CASP9: variants seen among roughly 807,000 people sequenced by gnomAD.
The protein encoded by CASP9 is caspase 9, also known as caspase-9.
CASP9 carries 29 observed loss-of-function variants against 43.5 expected under a neutral mutation model. The ratio of observed to expected loss-of-function variants is 0.67; its 90% CI spans 0.50 to 0.91. The LOEUF (loss-of-function observed/expected upper bound fraction) is 0.91, where lower values mean the gene tolerates loss of function less well. Among genes scored for constraint, CASP9 ranks in the 40% least tolerant of loss-of-function variants. The pLI, the probability that CASP9 is intolerant of heterozygous loss-of-function variation, is 0.00. For missense variants in CASP9, 575 were observed against 537.4 expected, an observed-to-expected ratio of 1.07 and a Z score of -0.69; for synonymous variants, 206 against 211.9, an observed-to-expected ratio of 0.97 and a Z score of 0.24.
intron 3 of CASP9, among the ~76,000 whole-genome samples, chr1:15,507,496 T>C (rs1709570638): frequency 6.6e-6 from 1 of 152,236 alleles, no homozygotes; most frequent in South Asian, 2.1e-4. Context: ...TTTCTATTTA[T>C]ATACTCATTT....
In CASP9 at chr1:15,518,149, T is replaced by G. The variant is rs1710026992; in HGVS notation, c.379A>C (p.Arg127=). 1 of 1,614,112 alleles carries G rather than the reference T, an allele frequency of 6.2e-7. No individual in the cohort carries two copies. Residue 127 remains arginine, a synonymous_variant, in exon 2 of 9, where the codon AGA becomes CGA. Coordinates refer to ENST00000333868, the MANE Select transcript of CASP9 (RefSeq NM_001229.5). ...CCTCCAGAACCAATGTCCACTGGTC[T>G]GGGTGTTTCCGGTCTGAGAACCTCT... is the stretch of plus-strand genomic sequence containing the variant. ...KPEVLRPETP[R]PVDIGSGGFG...
intron 6 of CASP9, among the ~76,000 whole-genome samples, chr1:15,496,304 A>C (rs1353362918): frequency 2.6e-5 from 4 of 152,236 alleles, no homozygotes; most frequent in Non-Finnish European, 5.9e-5. Context: ...AACCCACAGC[A>C]AACATTATAC....
chr1:15,504,883 G>T (rs754795426), intron 5 of CASP9, 125 bp from the exon 6 acceptor site: 169 of 888,784 alleles, frequency 1.9e-4, no homozygotes, highest in Non-Finnish European at 2.6e-4. Flanking sequence ...GGCTGATTGA[G>T]ACAGAGCAGG....
chr1:15,511,870 G>C (rs1389814154), intron 2 of CASP9, among the ~76,000 whole-genome samples: 1 of 152,178 alleles, frequency 6.6e-6, no homozygotes, highest in African/African-American at 2.4e-5. Context: ...CCTACAGAAG[G>C]GAAGATGCCC....
rs372604929 is a variant in CASP9 at position 15,492,997 on chromosome 1, C to G, written c.1197G>C (p.Gln399His). 1 of 1,613,944 alleles carries G rather than the reference C, an allele frequency of 6.2e-7. No homozygotes were observed. The highest frequency in any genetic ancestry group is 1.7e-5 in the Admixed American group (1 of 60,002). The change falls in exon 9 of 9, where the codon CAG (glutamine) becomes CAC (histidine). Residue 399 changes from glutamine (Q) to histidine (H), a missense_variant. Physicochemically the swap from Gln to His is conservative, Grantham distance 24 (BLOSUM62 0). Coordinates refer to ENST00000333868, the MANE Select transcript of CASP9 (RefSeq NM_001229.5). ...NAVSVKGIYKQMPGCFNFLRK... is the reference protein window; with the variant it reads ...NAVSVKGIYKHMPGCFNFLRK... The stretch of plus-strand genomic sequence containing the variant: ...GGAGGAAATTAAAGCAACCAGGCAT[C>G]TGTTTATAAATCCCTTTCACCGAAA...
intron 2 of CASP9, among the ~76,000 whole-genome samples, chr1:15,513,380 A>G (rs2103364554): frequency 6.6e-6 from 1 of 152,236 alleles, no homozygotes; most frequent in East Asian, 1.9e-4. Context: ...CAGTTCTCCC[A>G]GTCCTCCCGG....
At position 15,520,522 on chromosome 1, in the gene CASP9, G is replaced by A. The variant is rs545010223; in HGVS notation, c.133-2127C>T. Among the ~76,000 whole-genome samples, 19 of 152,350 alleles carry A rather than the reference G, an allele frequency of 1.2e-4. No homozygotes were observed. In the South Asian group the frequency reaches 3.3e-3, roughly 27 times the overall value. On this transcript the variant is annotated intron_variant, in intron 1 of 8. Transcript: ENST00000333868. ...ACCGGCGGGTATAGGGTCAGGTGCT[G>A]AAGGGACATTGTGAGAAGTGACCTA...
chr1:15,506,197 C>T, intron 4 of CASP9, 118 bp from the exon 5 acceptor site: 1 of 692,258 alleles, frequency 1.4e-6, no homozygotes, highest in East Asian at 2.7e-5. Context: ...GCCTGTAATC[C>T]CAGCACTTTG....
intron 6 of CASP9, among the ~76,000 whole-genome samples, chr1:15,503,599 T>C (rs1388415277): frequency 6.6e-6 from 1 of 152,242 alleles, no homozygotes; most frequent in Non-Finnish European, 1.5e-5. Context: ...ATGAATGATG[T>C]GACCAGAGAC....
In CASP9 at chr1:15,506,063, A is replaced by G. The variant is rs1271990643; in HGVS notation, c.647T>C (p.Leu216Ser). 6.2e-7 allele frequency: 1 copy of G among 1,613,832 alleles called. No homozygotes were observed. Among genetic ancestry groups the G allele is most frequent in the Admixed American group, 1.7e-5 (1 of 60,030 alleles). Residue 216 changes from leucine (L) to serine (S), a missense_variant, in exon 5 of 9, where the codon TTG (leucine) becomes TCG (serine). Coordinates refer to ENST00000333868, the MANE Select transcript of CASP9 (RefSeq NM_001229.5). ...GTGGTCCTGCTGCGCCAGCTCCAGC[A>G]AAGCCAGCACCATTTTCTACAAGAG... ...DLTAKKMVLA[L>S]LELAQQDHGA...
At chr1:15,506,330 C>T (rs1263274634) in intron 4 of CASP9, among the ~76,000 whole-genome samples, 3 of 152,014 alleles carry the variant, frequency 2.0e-5, no homozygotes, top group Admixed American at 2.0e-4. Context: ...GTGGCACACA[C>T]CTGTAATCCC....
upstream of CASP9, chr1:15,524,297 GC>G (rs142513755): frequency 0.23 from 326,884 of 1,445,128 alleles, 38,891 homozygotes; most frequent in African/African-American, 0.44. Flanking sequence ...CCCAGGGCCT[GC>G]CCCCGCGTCA....
At chr1:15,507,950 A>G (rs1190976968) in intron 2 of CASP9, 43 bp from the exon 3 acceptor site, 2 of 1,608,820 alleles carry the variant, frequency 1.2e-6, no homozygotes, top group Admixed American at 1.7e-5. Context: ...GTTGGGTTAC[A>G]GCAGAGGAGG....
chr1:15,517,437 T>C (rs1017103846), intron 2 of CASP9, among the ~76,000 whole-genome samples: 32 of 151,746 alleles, frequency 2.1e-4, no homozygotes, highest in Admixed American at 6.6e-5. Context: ...TGGGAAGAAA[T>C]GGAAAGAGAG....
chr1:15,500,193 G>A (rs1454093320), intron 6 of CASP9, among the ~76,000 whole-genome samples: 1 of 152,116 alleles, frequency 6.6e-6, no homozygotes, highest in African/African-American at 2.4e-5. Context: ...TTTAAAAATA[G>A]GCTGAAGTTG....
intron 6 of CASP9, among the ~76,000 whole-genome samples, chr1:15,500,914 C>T (rs951223131): frequency 2.0e-5 from 3 of 151,394 alleles, no homozygotes; most frequent in African/African-American, 4.9e-5. Flanking sequence ...GGGGGTCAGG[C>T]GGGGCGCTAA....
intron 2 of CASP9, among the ~76,000 whole-genome samples, chr1:15,512,861 A>G (rs972410344): frequency 2.0e-5 from 3 of 152,128 alleles, no homozygotes; most frequent in African/African-American, 7.2e-5. Context: ...CTGCCTCATA[A>G]AGGACAAATG....
upstream of CASP9, chr1:15,524,591 A>ACTGACCTCACGTCC (rs1710375725): frequency 3.2e-5 from 17 of 525,476 alleles, no homozygotes; most frequent in Admixed American, 4.9e-4. Context: ...ACCTCACGTC[A>ACTGACCTCACGTCC]CCGCCCCGCC....
chr1:15,523,019 C>T (rs1710270039), intron 1 of CASP9, among the ~76,000 whole-genome samples: 1 of 152,210 alleles, frequency 6.6e-6, no homozygotes, highest in Non-Finnish European at 1.5e-5. Flanking sequence ...CAGGGATATC[C>T]AGCCAGCCAC....
Sources: allele counts gnomAD v4.1 joint callset (sites outside exome capture counted in the v4.1 genomes callset), GRCh38; gene constraint gnomAD v4.1.1; transcripts MANE v1.5; gene names NCBI Gene and HGNC (gene_info 2026-07-23, HGNC 2026-07-21).